Variants in PPFIA2 observed in about 807,000 individuals in gnomAD.
PPFIA2 encodes the protein PPFI scaffold protein A2, also known as liprin-alpha-2.
In PPFIA2, 46 loss-of-function variants were observed where a neutral mutation model predicts 175.5. The ratio of observed to expected loss-of-function variants is 0.26; its 90% CI spans 0.21 to 0.34. PPFIA2 has a LOEUF of 0.34. Ranked by LOEUF, PPFIA2 falls within the 10% of genes least tolerant of loss-of-function variation. PPFIA2 has a pLI of 1.00. For synonymous variants in PPFIA2, 568 were observed against 511.4 expected, an observed-to-expected ratio of 1.11 and a Z score of -1.49; for missense variants, 1,179 against 1,506.1, an observed-to-expected ratio of 0.78 and a Z score of 3.60.
intron 4 of PPFIA2, among the ~76,000 whole-genome samples, chr12:81,496,252 A>C (rs2060010282): frequency 1.3e-5 from 2 of 152,178 alleles, no homozygotes; most frequent in African/African-American, 2.4e-5. Context: ...TTTTTAGGAA[A>C]GGAGCTCTTA....
chr12:81,283,172 C>T (rs374330913), intron 25 of PPFIA2, 133 bp from the exon 26 acceptor site: 4 of 821,300 alleles, frequency 4.9e-6, no homozygotes, highest in Non-Finnish European at 7.9e-6. Context: ...AATAAACACA[C>T]AGATTCATAG....
At chr12:81,601,695 A>C (rs902010755) in intron 4 of PPFIA2, among the ~76,000 whole-genome samples, 2 of 151,882 alleles carry the variant, frequency 1.3e-5, no homozygotes, top group African/African-American at 4.8e-5. Context: ...AGTTGTGCTA[A>C]GTTCCATGCC....
chr12:81,262,176 T>C, intron 31 of PPFIA2, 136 bp from the exon 32 acceptor site: 1 of 630,484 alleles, frequency 1.6e-6, no homozygotes, highest in East Asian at 2.8e-5. Flanking sequence ...TATAAGCCAC[T>C]CACATTCCTC....
intron 3 of PPFIA2, among the ~76,000 whole-genome samples, chr12:81,707,000 C>A (rs541673842): frequency 2.0e-4 from 31 of 152,192 alleles, no homozygotes; most frequent in African/African-American, 7.5e-4. Flanking sequence ...CCCTTCCTTA[C>A]ACCTTATACA....
intron 32 of PPFIA2, 99 bp from the exon 33 acceptor site, chr12:81,259,759 T>C: frequency 1.0e-6 from 1 of 998,104 alleles, no homozygotes; most frequent in Non-Finnish European, 1.5e-6. Flanking sequence ...GCCTGCTTAC[T>C]CCTGTCCTAG....
chr12:81,678,747 T>C (rs2073053820), intron 3 of PPFIA2, among the ~76,000 whole-genome samples: 1 of 151,874 alleles, frequency 6.6e-6, no homozygotes, highest in Non-Finnish European at 1.5e-5. Flanking sequence ...AGAGTTTAAG[T>C]CCTTGATTGT....
At position 81,569,780 on chromosome 12, in the gene PPFIA2, C is replaced by T. The variant is rs78048194; in HGVS notation, c.303+107011G>A. Among the ~76,000 whole-genome samples the T allele has an allele frequency of 6.5e-3, 984 of 152,122 alleles. 38 individuals are homozygous for T. The East Asian group carries it at 0.095, about 15-fold the overall frequency. ...CTGCAAAGAGCTTTATTTATATATG[C>T]TAAAATTTTATTTAATACACAAAAT... On this transcript the variant is annotated intron_variant, in intron 4 of 32. Transcript: ENST00000549396.
intron 7 of PPFIA2, among the ~76,000 whole-genome samples, chr12:81,429,102 A>C (rs1253118215): frequency 1.3e-5 from 2 of 152,118 alleles, no homozygotes; most frequent in Admixed American, 1.3e-4. Flanking sequence ...AATGTTTAAA[A>C]TAAGCTAATC....
chr12:81,735,928 T>C (rs538755058), intron 3 of PPFIA2, among the ~76,000 whole-genome samples: 2 of 151,968 alleles, frequency 1.3e-5, no homozygotes, highest in Non-Finnish European at 2.9e-5. Flanking sequence ...TCATTATACT[T>C]GCTCTATATG....
chr12:81,377,393 T>C (rs1457825600), intron 9 of PPFIA2, among the ~76,000 whole-genome samples: 1 of 151,772 alleles, frequency 6.6e-6, no homozygotes, highest in East Asian at 1.9e-4. Flanking sequence ...CTACTAAAAA[T>C]ACAAAAAACT....
At chr12:81,586,426 A>G (rs753211387) in intron 4 of PPFIA2, among the ~76,000 whole-genome samples, 5 of 151,914 alleles carry the variant, frequency 3.3e-5, no homozygotes, top group African/African-American at 4.8e-5. Context: ...TACATGTTGT[A>G]TGCAGCACTT....
intron 4 of PPFIA2, among the ~76,000 whole-genome samples, chr12:81,555,035 C>G (rs2068603507): frequency 6.6e-6 from 1 of 151,948 alleles, no homozygotes; most frequent in Non-Finnish European, 1.5e-5. Flanking sequence ...GCATTTACAA[C>G]AGCATTTTTC....
intron 24 of PPFIA2, among the ~76,000 whole-genome samples, chr12:81,290,897 G>A (rs1404089029): frequency 6.6e-6 from 1 of 151,642 alleles, no homozygotes; most frequent in African/African-American, 2.4e-5. Context: ...CAAAGAAAAT[G>A]TCCAATACTA....
intron 4 of PPFIA2, among the ~76,000 whole-genome samples, chr12:81,646,525 A>G (rs764503765): frequency 4.6e-5 from 7 of 152,212 alleles, no homozygotes; most frequent in Non-Finnish European, 1.0e-4. Context: ...GAATGCAAAG[A>G]GAAAGCCCTC....
intron 23 of PPFIA2, chr12:81,298,125 G>A (rs1222416722): frequency 6.6e-6 from 1 of 151,984 alleles, no homozygotes; most frequent in Non-Finnish European, 1.5e-5. Context: ...TCATTTTATC[G>A]GAGCAAAAAC....
At chr12:81,720,748 AT>A (rs1386242401) in intron 3 of PPFIA2, among the ~76,000 whole-genome samples, 3 of 150,986 alleles carry the variant, frequency 2.0e-5, no homozygotes, top group South Asian at 2.1e-4. Context: ...CTTGATCCCC[AT>A]TTTTTTCTGG....
At chr12:81,361,935 A>T (rs182916975) in intron 15 of PPFIA2, among the ~76,000 whole-genome samples, 1 of 151,632 alleles carries the variant, frequency 6.6e-6, no homozygotes, top group East Asian at 1.9e-4. Context: ...AAAACATCTC[A>T]AACACAAAAG....
intron 7 of PPFIA2, among the ~76,000 whole-genome samples, chr12:81,438,498 CAAAACAA>C (rs926959462): frequency 6.6e-6 from 1 of 151,802 alleles, no homozygotes; most frequent in African/African-American, 2.4e-5. Context: ...CAAAACAAAA[CAAAACAA>C]AAAACAAAGG....
At chr12:81,560,836 C>T (rs968014786) in intron 4 of PPFIA2, among the ~76,000 whole-genome samples, 1 of 152,048 alleles carries the variant, frequency 6.6e-6, no homozygotes, top group Non-Finnish European at 1.5e-5. Context: ...AACATACAAG[C>T]TTAAATTTAT....
Sources: gnomAD v4.1 joint callset for allele counts (sites outside exome capture counted in the v4.1 genomes callset) on GRCh38, gnomAD v4.1.1 for gene constraint, MANE v1.5 for transcripts, NCBI Gene and HGNC (gene_info 2026-07-23, HGNC 2026-07-21) for gene names.